The following POLQ variants were observed in gnomAD, a reference collection of about 807,000 sequenced individuals.
POLQ encodes epididymis secretory sperm binding protein.
In POLQ, 233 loss-of-function variants were observed where a neutral mutation model predicts 259.2. That is an observed-to-expected ratio of 0.90 (90% CI 0.81 to 1.00). The LOEUF is 1.00. Ranked by LOEUF, POLQ falls within the 50% of genes least tolerant of loss-of-function variation. The pLI is 0.00. For missense variants in POLQ, 2,871 were observed against 3,051.6 expected (o/e 0.94, Z 1.39); for synonymous variants, 1,025 against 1,048.8 (o/e 0.98, Z 0.44).
chr3:121,465,479 C>T (rs1331615092), intron 24 of POLQ, among the ~76,000 whole-genome samples: 2 of 151,948 alleles, frequency 1.3e-5, no homozygotes, highest in Admixed American at 1.3e-4. Flanking sequence ...GCATACCTTG[C>T]TTTATTGGAC....
intron 14 of POLQ, among the ~76,000 whole-genome samples, chr3:121,496,089 T>A (rs778332684): frequency 4.2e-4 from 64 of 151,352 alleles, no homozygotes; most frequent in Non-Finnish European, 7.4e-4. Flanking sequence ...GACCAGTGGT[T>A]CCTTAGATCA....
intron 25 of POLQ, among the ~76,000 whole-genome samples, chr3:121,459,675 C>T (rs766231652): frequency 1.2e-4 from 18 of 152,198 alleles, no homozygotes; most frequent in Non-Finnish European, 2.1e-4. Flanking sequence ...GCCACCGCGC[C>T]CGGCCTGGAA....
At chr3:121,467,108 A>G (rs2047843832) in intron 24 of POLQ, among the ~76,000 whole-genome samples, 1 of 152,222 alleles carries the variant, frequency 6.6e-6, no homozygotes, top group Non-Finnish European at 1.5e-5. Context: ...GAAAAAACAT[A>G]AAAGCAAACA....
chr3:121,511,009 C>G (rs1214172937), intron 10 of POLQ, among the ~76,000 whole-genome samples: 1 of 152,104 alleles, frequency 6.6e-6, no homozygotes, highest in Non-Finnish European at 1.5e-5. Context: ...AGGCGGATCA[C>G]GAGGTCAGGA....
At chr3:121,492,398 G>C (rs1460228917) in intron 15 of POLQ, among the ~76,000 whole-genome samples, 1 of 152,038 alleles carries the variant, frequency 6.6e-6, no homozygotes, top group Non-Finnish European at 1.5e-5. Flanking sequence ...CAATAAATTG[G>C]TTATTCAGAC....
chr3:121,451,728 G>C (rs1226504961), intron 25 of POLQ, among the ~76,000 whole-genome samples: 1 of 149,936 alleles, frequency 6.7e-6, no homozygotes, highest in East Asian at 1.9e-4. Flanking sequence ...TAGGCTACTT[G>C]GGGGTCAGGG....
In POLQ at chr3:121,529,766, TAAAC is replaced by T; in HGVS notation, c.983_986del (p.Ser328AsnfsTer44). 1 of 1,612,096 alleles carries T rather than the reference TAAAC, an allele frequency of 6.2e-7. No homozygotes were observed. Among genetic ancestry groups the T allele is most frequent in the Non-Finnish European group, 8.5e-7 (1 of 1,179,000 alleles). On this transcript the variant is annotated frameshift_variant, in exon 7 of 30. Coordinates refer to ENST00000264233, the MANE Select transcript of POLQ (RefSeq NM_199420.4). LOFTEE classifies it high-confidence loss of function. Reference sequence around the variant, plus strand: ...GGTTATCACAAATCGTCTCATAACATAAACTAACAACATGGTCCTCATCTCCCTA... The same window carrying T: ...GGTTATCACAAATCGTCTCATAACATTAACAACATGGTCCTCATCTCCCTA...
intron 26 of POLQ, among the ~76,000 whole-genome samples, chr3:121,448,193 C>T (rs1295223694): frequency 6.6e-6 from 1 of 151,990 alleles, no homozygotes; most frequent in Non-Finnish European, 1.5e-5. Context: ...TGCAGGTGTG[C>T]TTCATCCTTT....
chr3:121,450,199 G>C (rs1413629496), intron 25 of POLQ, among the ~76,000 whole-genome samples: 1 of 152,050 alleles, frequency 6.6e-6, no homozygotes, highest in Non-Finnish European at 1.5e-5. Flanking sequence ...ACTTATAACT[G>C]TTTAGGAAAC....
intron 12 of POLQ, among the ~76,000 whole-genome samples, chr3:121,500,830 C>A (rs2048161514): frequency 6.6e-6 from 1 of 152,126 alleles, no homozygotes; most frequent in Admixed American, 6.5e-5. Flanking sequence ...AAAAAGTCAT[C>A]CTATGTAAGA....
At chr3:121,461,210 T>G (rs926676707) in intron 24 of POLQ, among the ~76,000 whole-genome samples, 1 of 152,222 alleles carries the variant, frequency 6.6e-6, no homozygotes, top group South Asian at 2.1e-4. Flanking sequence ...CCCCATTCGC[T>G]GGCAATTTAA....
intron 12 of POLQ, among the ~76,000 whole-genome samples, chr3:121,499,785 A>C (rs1396955498): frequency 6.6e-6 from 1 of 151,274 alleles, no homozygotes; most frequent in Non-Finnish European, 1.5e-5. Context: ...AAGCAGGCAA[A>C]AGAAATAAAA....
chr3:121,542,284 G>T (rs2048496044), intron 2 of POLQ, among the ~76,000 whole-genome samples: 1 of 152,210 alleles, frequency 6.6e-6, no homozygotes, highest in African/African-American at 2.4e-5. Flanking sequence ...CAGCATCTTG[G>T]GAGGCTGAGG....
Position 121,522,120 on chromosome 3 carries a change from C to T in POLQ, c.1138G>A (p.Val380Ile). The change falls in exon 8 of 30, where the codon GTA (valine) becomes ATA (isoleucine). Residue 380 changes from valine to isoleucine, a missense_variant. This residue lies in a region of POLQ where 783 missense variants were observed against 906.2 expected (regional missense o/e 0.86). Transcript: ENST00000264233. ...AGGAGTTCTTTTTGTTCCAGAATTA[C>T]TGGTGGGCATTCAGAGGGTTTCACC... ...GLVKPSECPP[V>I]ILEQKELLEV... The T allele has an allele frequency of 1.2e-6, 2 of 1,608,016 alleles. No individual in the cohort carries two copies. The highest frequency in any genetic ancestry group is 8.5e-7 in the Non-Finnish European group (1 of 1,178,154).
intron 19 of POLQ, among the ~76,000 whole-genome samples, chr3:121,477,103 G>C (rs2047933669): frequency 6.6e-6 from 1 of 152,162 alleles, no homozygotes; most frequent in Non-Finnish European, 1.5e-5. Context: ...TCTGAGCACT[G>C]ACATGACACC....
chr3:121,451,067 C>T (rs2047671231), intron 25 of POLQ, among the ~76,000 whole-genome samples: 1 of 152,146 alleles, frequency 6.6e-6, no homozygotes, highest in South Asian at 2.1e-4. Context: ...CCCTTTCTTC[C>T]AGTTGATCGA....
chr3:121,472,002 G>A lies in POLQ; in HGVS notation c.6706C>T (p.His2236Tyr). Residue 2236 changes from histidine (H) to tyrosine (Y), a missense_variant, in exon 22 of 30, where the codon CAC (histidine) becomes TAC (tyrosine). His to Tyr is a moderately conservative substitution (Grantham distance 83). Around this residue, in one of 3 missense-constraint regions of POLQ, gnomAD observed 2,080 missense variants for 2,126.0 expected, o/e 0.98. Coordinates refer to ENST00000264233, the MANE Select transcript of POLQ (RefSeq NM_199420.4). ...GATTTCTCATCACCTGTAGCAGTGT[G>A]CGACTGTGATACAGGATAGATTCTT... The part of the protein sequence containing the change: ...MERIYPVSQS[H>Y]TATGRITFTE... 6.6e-7 allele frequency: 1 copy of A among 1,516,688 alleles called. No homozygotes were observed. Among genetic ancestry groups the A allele is most frequent in the Non-Finnish European group, 9.0e-7 (1 of 1,116,108 alleles). The allele number at this position is 1,516,688 out of a possible 1,614,324, so 94.0% of individuals were successfully genotyped here.
chr3:121,440,252 T>G, intron 26 of POLQ, 136 bp from the exon 27 acceptor site: 1 of 615,480 alleles, frequency 1.6e-6, no homozygotes, highest in Admixed American at 3.3e-5. Flanking sequence ...AAATCAGGCA[T>G]GCGAACTTTC....
intron 6 of POLQ, 133 bp downstream of exon 6, chr3:121,532,857 C>T (rs1179729538): frequency 9.6e-6 from 6 of 626,842 alleles, no homozygotes; most frequent in Non-Finnish European, 1.4e-5. Context: ...TAAGAGGAAA[C>T]CAGTTAGCTT....
Sources: allele counts gnomAD v4.1 joint callset (sites outside exome capture counted in the v4.1 genomes callset), GRCh38; gene constraint gnomAD v4.1.1; regional missense constraint gnomAD v4.1.1; transcripts MANE v1.5; gene names NCBI Gene and HGNC (gene_info 2026-07-23, HGNC 2026-07-21).